Variants in MYCBP2 observed in about 807,000 individuals in gnomAD.
MYCBP2 encodes the protein MYC binding protein 2, also known as E3 ubiquitin-protein ligase MYCBP2.
In MYCBP2, 120 loss-of-function variants were observed where a neutral mutation model predicts 525.3. The ratio of observed to expected loss-of-function variants is 0.23; its 90% CI spans 0.20 to 0.27. The LOEUF (loss-of-function observed/expected upper bound fraction) is 0.27. MYCBP2 is among the 10% of genes least tolerant of loss of function. The pLI, the probability that MYCBP2 is intolerant of heterozygous loss-of-function variation, is 1.00. For synonymous variants in MYCBP2, 1,894 were observed against 1,955.8 expected (o/e 0.97, Z 0.83); for missense variants, 4,149 against 5,657.1 (o/e 0.73, Z 8.55).
chr13:77,257,125 C>G lies in MYCBP2; in HGVS notation c.2176+546G>C, dbSNP rs1312995414. 2.6e-5 allele frequency among the ~76,000 whole-genome samples: 4 copies of G among 152,106 alleles called. No individual in the cohort carries two copies. The East Asian group carries it at 7.7e-4, about 29-fold the overall frequency. On this transcript the variant is annotated intron_variant, in intron 14 of 82. Coordinates refer to ENST00000544440, the MANE Select transcript of MYCBP2 (RefSeq NM_015057.5). Reference sequence around the variant, plus strand: ...AGGATATTATGTTAAGTGAAAGAAGCCAGGCACCGAAAGACCAACTTCACA... The same window carrying G: ...AGGATATTATGTTAAGTGAAAGAAGGCAGGCACCGAAAGACCAACTTCACA...
intron 1 of MYCBP2, among the ~76,000 whole-genome samples, chr13:77,324,248 T>C (rs1219014154): frequency 6.6e-6 from 1 of 152,222 alleles, no homozygotes; most frequent in African/African-American, 2.4e-5. Flanking sequence ...TACTGTTTCA[T>C]GATTTTCTTC....
At chr13:77,117,463 A>G (rs1055202467) in intron 55 of MYCBP2, among the ~76,000 whole-genome samples, 1 of 152,136 alleles carries the variant, frequency 6.6e-6, no homozygotes. Context: ...TTTAATAAAA[A>G]CTAAACCAGC....
intron 69 of MYCBP2, among the ~76,000 whole-genome samples, chr13:77,070,218 T>C (rs1485347697): frequency 6.6e-6 from 1 of 152,112 alleles, no homozygotes; most frequent in East Asian, 1.9e-4. Flanking sequence ...TACTCATTCC[T>C]CTCTAAAAAA....
In MYCBP2 at chr13:77,166,512, C is replaced by G; in HGVS notation, c.6157G>C (p.Asp2053His). The change falls in exon 41 of 83, where the codon GAC becomes CAC. Residue 2053 changes from aspartate (D) to histidine (H), a missense_variant. Around this residue, in one of 21 missense-constraint regions of MYCBP2, gnomAD observed 692 missense variants for 852.7 expected, o/e 0.81. Transcript: ENST00000544440. ...GACTGTGCAGTACCACACTGAGGGT[C>G]AAATTCGATTGTCATCCACCTCACA... Reference protein sequence around the residue: ...ECVRWMTIEFDPQCGTAQSED... With the variant: ...ECVRWMTIEFHPQCGTAQSED... 1 of 1,613,366 alleles carries G rather than the reference C, an allele frequency of 6.2e-7. No homozygotes were observed. The highest frequency in any genetic ancestry group is 8.5e-7 in the Non-Finnish European group (1 of 1,179,620).
intron 23 of MYCBP2, among the ~76,000 whole-genome samples, chr13:77,210,462 G>T (rs1441757008): frequency 6.6e-6 from 1 of 152,104 alleles, no homozygotes; most frequent in Non-Finnish European, 1.5e-5. Flanking sequence ...AAAGTGCTGG[G>T]ATTACAGGCG....
Position 77,140,094 on chromosome 13 carries a change from G to A in MYCBP2, c.7471C>T (p.Gln2491Ter). The change falls in exon 51 of 83, where the codon CAG becomes TAG. Residue 2491 changes from glutamine to a stop codon, truncating the protein, a stop_gained. Transcript: ENST00000544440. LOFTEE classifies it high-confidence loss of function. ...IRSHPSLQSEQIGIVKVNGTI... is the reference protein window; with the variant it reads ...IRSHPSLQSE ...CCATTGACTTTCACTATGCCTATCT[G>A]CTCACTCTGAAGGGAAGGGTGGCTA... The A allele has an allele frequency of 6.2e-7, 1 of 1,613,084 alleles. No individual in the cohort carries two copies. Among genetic ancestry groups the A allele is most frequent in the South Asian group, 1.1e-5 (1 of 90,910 alleles).
rs1325278914 is a variant in MYCBP2 at position 77,168,406 on chromosome 13, CACACT to C, written c.6114+17_6114+21del. ...CTCATGCCAAGTTTTACATTCGAAT[CACACT>C]AAGAACCGGTGCCTACCTTGTAATG... On this transcript the variant is annotated intron_variant, in intron 40 of 82. Coordinates refer to ENST00000544440, the MANE Select transcript of MYCBP2 (RefSeq NM_015057.5). 2.4e-5 allele frequency: 39 copies of C among 1,602,834 alleles called. No individual in the cohort carries two copies. Among genetic ancestry groups the C allele is most frequent in the Non-Finnish European group, 3.2e-5 (37 of 1,171,004 alleles).
intron 76 of MYCBP2, among the ~76,000 whole-genome samples, chr13:77,060,350 G>A (rs891455718): frequency 6.6e-6 from 1 of 152,202 alleles, no homozygotes; most frequent in East Asian, 1.9e-4. Flanking sequence ...TATTAATGCA[G>A]TATACAGCAC....
chr13:77,092,900 T>TA (rs1431867292), intron 59 of MYCBP2, among the ~76,000 whole-genome samples: 1 of 152,196 alleles, frequency 6.6e-6, no homozygotes, highest in African/African-American at 2.4e-5. Flanking sequence ...AACCCTTCCC[T>TA]ACTCTGATTT....
At chr13:77,172,188 G>C (rs141624966) in intron 37 of MYCBP2, among the ~76,000 whole-genome samples, 1 of 151,678 alleles carries the variant, frequency 6.6e-6, no homozygotes, top group South Asian at 2.1e-4. Flanking sequence ...AGTGAGCCGC[G>C]CACCCAGCTG....
intron 44 of MYCBP2, among the ~76,000 whole-genome samples, chr13:77,159,937 C>A (rs1251941229): frequency 6.6e-6 from 1 of 151,650 alleles, no homozygotes; most frequent in Non-Finnish European, 1.5e-5. Flanking sequence ...TCTTAAGGTA[C>A]AAAGATTTAA....
At chr13:77,319,583 T>C (rs2081351001) in intron 1 of MYCBP2, among the ~76,000 whole-genome samples, 1 of 152,212 alleles carries the variant, frequency 6.6e-6, no homozygotes, top group Admixed American at 6.5e-5. Context: ...GCATCATCTT[T>C]CTCCAATCTA....
intron 2 of MYCBP2, among the ~76,000 whole-genome samples, chr13:77,291,624 G>A (rs528077914): frequency 3.3e-5 from 5 of 152,228 alleles, no homozygotes; most frequent in East Asian, 1.9e-4. Context: ...AAAATTAGCC[G>A]GGCGTGGCGG....
intron 1 of MYCBP2, among the ~76,000 whole-genome samples, chr13:77,313,449 G>T (rs2080520721): frequency 6.6e-6 from 1 of 151,980 alleles, no homozygotes; most frequent in African/African-American, 2.4e-5. Flanking sequence ...AATGAATCTA[G>T]AAACAAACCT....
chr13:77,213,950 A>G (rs2064412981), intron 21 of MYCBP2, among the ~76,000 whole-genome samples: 1 of 152,258 alleles, frequency 6.6e-6, no homozygotes, highest in South Asian at 2.1e-4. Context: ...GAGCATGTGC[A>G]AAGCACGAAC....
Position 77,065,954 on chromosome 13 carries a change from C to A in MYCBP2, c.12552+38G>T, listed in dbSNP as rs751631854. ...TAAGCTGTTTTGTGTCAGCTTCCTG[C>A]CGCACTTCACTGCCAAAACAGAAGA... On this transcript the variant is annotated intron_variant, in intron 72 of 82. Coordinates refer to ENST00000544440, the MANE Select transcript of MYCBP2 (RefSeq NM_015057.5). 4 of 1,500,196 alleles carry A rather than the reference C, an allele frequency of 2.7e-6. No individual in the cohort carries two copies. The South Asian group carries it at 4.7e-5, about 18-fold the overall frequency. 92.9% of individuals were successfully genotyped at this position (1,500,196 alleles called of 1,614,324 possible).
intron 40 of MYCBP2, among the ~76,000 whole-genome samples, chr13:77,167,886 C>T (rs1406429423): frequency 6.6e-6 from 1 of 152,142 alleles, no homozygotes; most frequent in African/African-American, 2.4e-5. Context: ...GAATATTTTA[C>T]AAGCACACAA....
chr13:77,233,258 G>C lies in MYCBP2; in HGVS notation c.2635C>G (p.Leu879Val). ...RHRLEEGRGP[L>V]VFAGPIFMNH... ...ATAAAAATAGGACCAGCAAATACAAGGGGGCCTGAGGAGAAACATTTTGTA... is the reference window on the plus strand; with the variant it reads ...ATAAAAATAGGACCAGCAAATACAACGGGGCCTGAGGAGAAACATTTTGTA... The change falls in exon 18 of 83, where the codon CTT (leucine) becomes GTT (valine). Residue 879 changes from leucine to valine, a missense_variant. Physicochemically the swap from Leu to Val is conservative, Grantham distance 32. Around this residue, in one of 21 missense-constraint regions of MYCBP2, gnomAD observed 620 missense variants for 795.5 expected, o/e 0.78. Transcript: ENST00000544440. 1.2e-6 allele frequency: 2 copies of C among 1,612,536 alleles called. No homozygotes were observed. Among genetic ancestry groups the C allele is most frequent in the Non-Finnish European group, 1.7e-6 (2 of 1,178,882 alleles).
chr13:77,057,795 C>T (rs1594094125), intron 78 of MYCBP2, among the ~76,000 whole-genome samples: 2 of 149,776 alleles, frequency 1.3e-5, no homozygotes, highest in South Asian at 2.1e-4. Context: ...TAAAAGAACA[C>T]TTCTGCCTAG....
Sources: allele counts gnomAD v4.1 joint callset (sites outside exome capture counted in the v4.1 genomes callset), GRCh38; gene constraint gnomAD v4.1.1; regional missense constraint gnomAD v4.1.1; transcripts MANE v1.5; gene names NCBI Gene and HGNC (gene_info 2026-07-23, HGNC 2026-07-21).